The following SRSF12 variants were observed in gnomAD, a reference collection of about 807,000 sequenced individuals.
The protein encoded by SRSF12 is serine/arginine-rich splicing factor 12.
SRSF12 carries 21 observed loss-of-function variants against 34.1 expected under a neutral mutation model. That is an observed-to-expected ratio of 0.62 (90% CI 0.44 to 0.89). The LOEUF is 0.89. SRSF12 is among the 40% of genes least tolerant of loss of function. The probability of loss-of-function intolerance (pLI) is 0.00; values close to 1 mark genes in which losing one functional copy is unlikely to be tolerated. For missense variants in SRSF12, 278 were observed against 327.8 expected (o/e 0.85, Z 1.17); for synonymous variants, 111 against 110.8 (o/e 1.00, Z -0.01).
rs147734410 is a variant in SRSF12 at position 89,098,636 on chromosome 6, T to C, written c.728A>G (p.His243Arg). 2,834 of 1,613,922 alleles carry C rather than the reference T, an allele frequency of 1.8e-3. 5 individuals carry two copies. The highest frequency in any genetic ancestry group is 2.1e-3 in the Non-Finnish European group (2,426 of 1,179,812). Residue 243 changes from histidine (H) to arginine (R), a missense_variant, in exon 5 of 5, where the codon CAT becomes CGT. Physicochemically the swap from His to Arg is conservative, Grantham distance 29. Transcript: ENST00000452027. The stretch of plus-strand genomic sequence containing the variant: ...TCTGGAATGTGACCGAAAATGAGAA[T>C]GCTTTGCTGTTTGTACTTTAGTTTC... The part of the protein sequence containing the change: ...NSETKVQTAK[H>R]SHFRSHSRSR...
rs1215947312 is a variant in SRSF12 at position 89,113,056 on chromosome 6, CA to C, written c.65+4766del. ...GTGTAGTAGGTTTGGGTTTGTACAA[CA>C]ACAAAATCACCAAATGGATTTGTCA... On this transcript the variant is annotated intron_variant, in intron 1 of 4. Coordinates refer to ENST00000452027, the MANE Select transcript of SRSF12 (RefSeq NM_080743.5). Among the ~76,000 whole-genome samples, 9 of 152,308 alleles carry C rather than the reference CA, an allele frequency of 5.9e-5. No homozygotes were observed. The East Asian group carries it at 1.7e-3, about 29-fold the overall frequency.
chr6:89,107,360 T>C (rs1182304472), intron 1 of SRSF12, 102 bp from the exon 2 acceptor site: 7 of 783,478 alleles, frequency 8.9e-6, no homozygotes, highest in Non-Finnish European at 1.5e-5. Flanking sequence ...GAACATCATC[T>C]AGACCAGCAT....
intron 1 of SRSF12, 66 bp downstream of exon 1, chr6:89,117,736 CCTCCGCCGGGCCTCGGCCGTG>C: frequency 1.5e-6 from 2 of 1,332,504 alleles, no homozygotes; most frequent in Admixed American, 3.7e-5. Context: ...CTCCCCCGAG[CCTCCGCCGGGCCTCGGCCGTG>C]CTCCGCGGCG....
At chr6:89,107,559 G>A (rs149541850) in intron 1 of SRSF12, among the ~76,000 whole-genome samples, 10 of 151,998 alleles carry the variant, frequency 6.6e-5, no homozygotes, top group Admixed American at 3.9e-4. Flanking sequence ...GTGAAACCCC[G>A]TCTCTACAAA....
chr6:89,115,315 T>A (rs988543857), intron 1 of SRSF12, among the ~76,000 whole-genome samples: 1 of 150,220 alleles, frequency 6.7e-6, no homozygotes, highest in African/African-American at 2.4e-5. Context: ...AGAGTCTCAC[T>A]CTGTCGCCCA....
Position 89,097,265 on chromosome 6 carries a change from A to G in SRSF12, c.*1313T>C, listed in dbSNP as rs1003706378. The G allele has an allele frequency of 3.9e-5, 6 of 152,200 alleles. No homozygotes were observed. Among genetic ancestry groups the G allele is most frequent in the Non-Finnish European group, 8.8e-5 (6 of 68,036 alleles). 9.4% of individuals were successfully genotyped at this position (152,200 alleles called of 1,614,324 possible). A position where few individuals can be genotyped will look rare whatever the true frequency, so the allele number is the denominator to read the frequency against. ...GAAGTTTTCATAATGTAAGTCACAA[A>G]GTATACAAGTAGAGCTCTATAAATA... On this transcript the variant is annotated 3_prime_UTR_variant, in exon 5 of 5. Coordinates refer to ENST00000452027, the MANE Select transcript of SRSF12 (RefSeq NM_080743.5).
chr6:89,115,522 T>C (rs1582279849), intron 1 of SRSF12, among the ~76,000 whole-genome samples: 1 of 152,062 alleles, frequency 6.6e-6, no homozygotes, highest in South Asian at 2.1e-4. Flanking sequence ...CCTCAAGTGA[T>C]CCGCCGAACT....
At chr6:89,099,091 ATGCT>A in intron 4 of SRSF12, 144 bp from the exon 5 acceptor site, 1 of 1,085,104 alleles carries the variant, frequency 9.2e-7, no homozygotes, top group Non-Finnish European at 1.3e-6. Flanking sequence ...TTTATTATGC[ATGCT>A]TTTGGTTCAA....
intron 1 of SRSF12, among the ~76,000 whole-genome samples, chr6:89,107,564 T>C (rs1195863015): frequency 2.6e-5 from 4 of 151,824 alleles, no homozygotes; most frequent in Non-Finnish European, 5.9e-5. Context: ...ACCCCGTCTC[T>C]ACAAAAAAAT....
chr6:89,111,368 A>G (rs1769043298), intron 1 of SRSF12, among the ~76,000 whole-genome samples: 1 of 152,174 alleles, frequency 6.6e-6, no homozygotes, highest in African/African-American at 2.4e-5. Context: ...GGTTCTGCAC[A>G]TTTTTTGTTA....
intron 1 of SRSF12, among the ~76,000 whole-genome samples, chr6:89,117,306 T>C (rs1769350863): frequency 6.6e-6 from 1 of 152,196 alleles, no homozygotes; most frequent in African/African-American, 2.4e-5. Flanking sequence ...AGCAGCACCG[T>C]CTGTAAGTAG....
At position 89,098,382 on chromosome 6, in the gene SRSF12, C is replaced by A; in HGVS notation, c.*196G>T. 5.4e-6 allele frequency: 3 copies of A among 559,238 alleles called. No individual in the cohort carries two copies. The highest frequency in any genetic ancestry group is 3.5e-5 in the East Asian group (1 of 28,538). 34.6% of individuals were successfully genotyped at this position (559,238 alleles called of 1,614,324 possible). A position where few individuals can be genotyped will look rare whatever the true frequency, so the allele number is the denominator to read the frequency against. ...CATAAAATGGTGACATTAGACAAATCATAATTTGTAGTGTGGGCCCTTTAA... is the reference window on the plus strand; with the variant it reads ...CATAAAATGGTGACATTAGACAAATAATAATTTGTAGTGTGGGCCCTTTAA... On this transcript the variant is annotated 3_prime_UTR_variant, in exon 5 of 5. Transcript: ENST00000452027.
chr6:89,098,873 G>A lies in SRSF12; in HGVS notation c.491C>T (p.Ala164Val). Reference sequence around the variant, plus strand: ...CCTTCTTGGAGTTCTTGACTGCCTTGCTGAGGTAGACCGCCTTGGTAATGA... The same window carrying A: ...CCTTCTTGGAGTTCTTGACTGCCTTACTGAGGTAGACCGCCTTGGTAATGA... ...SKSLPRRSTS[A>V]RQSRTPRRNF... Residue 164 changes from alanine (A) to valine (V), a missense_variant, in exon 5 of 5, where the codon GCA (alanine) becomes GTA (valine). Transcript: ENST00000452027. 1.2e-6 allele frequency: 2 copies of A among 1,613,860 alleles called. No individual in the cohort carries two copies. The highest frequency in any genetic ancestry group is 1.7e-6 in the Non-Finnish European group (2 of 1,179,872).
intron 1 of SRSF12, among the ~76,000 whole-genome samples, chr6:89,108,700 G>A (rs1055332267): frequency 2.0e-5 from 3 of 152,180 alleles, no homozygotes; most frequent in African/African-American, 7.2e-5. Context: ...GGCAAAAGAA[G>A]CAACTTTCAG....
intron 4 of SRSF12, among the ~76,000 whole-genome samples, chr6:89,100,046 T>G (rs1378824699): frequency 6.6e-6 from 1 of 152,128 alleles, no homozygotes; most frequent in Non-Finnish European, 1.5e-5. Flanking sequence ...AATTCAGGGC[T>G]ACCAAAATGG....
rs376911034 is a variant in SRSF12, at chr6:89,114,433, AAAAC to A, written c.65+3386_65+3389del. 3.3e-4 allele frequency among the ~76,000 whole-genome samples: 50 copies of A among 152,302 alleles called. No homozygotes were observed. In the East Asian group the frequency reaches 4.1e-3, roughly 12 times the overall value. ...ACACAGCAAGACTCTGTCTCAAAAT[AAAAC>A]AAACAAACAAAAAAACCACCATACA... On this transcript the variant is annotated intron_variant, in intron 1 of 4. Coordinates refer to ENST00000452027, the MANE Select transcript of SRSF12 (RefSeq NM_080743.5).
intron 1 of SRSF12, among the ~76,000 whole-genome samples, chr6:89,116,853 C>G (rs1182953524): frequency 6.6e-6 from 1 of 152,040 alleles, no homozygotes; most frequent in Non-Finnish European, 1.5e-5. Flanking sequence ...ATACTCATCT[C>G]AGATGACTAT....
Position 89,117,836 on chromosome 6 carries a change from C to T in SRSF12, c.52G>A (p.Ala18Thr), listed in dbSNP as rs372794091. Residue 18 changes from alanine (A) to threonine (T), a missense_variant, in exon 1 of 5, where the codon GCG becomes ACG. Physicochemically the swap from Ala to Thr is moderately conservative, Grantham distance 58. Coordinates refer to ENST00000452027, the MANE Select transcript of SRSF12 (RefSeq NM_080743.5). ...GCGGCCGTTCACCTGGTGGCGTCCG[C>T]GACGTTCCTGATGAACAGGGAGGTG... ...PNTSLFIRNV[A>T]DATRPEDLRR... is the part of the protein sequence containing the mutation. The T allele has an allele frequency of 1.9e-6, 3 of 1,559,056 alleles. No homozygotes were observed. Among genetic ancestry groups the T allele is most frequent in the Non-Finnish European group, 2.6e-6 (3 of 1,155,144 alleles).
intron 4 of SRSF12, among the ~76,000 whole-genome samples, chr6:89,100,091 T>C (rs1768469317): frequency 6.6e-6 from 1 of 151,874 alleles, no homozygotes; most frequent in Admixed American, 6.6e-5. Context: ...TAGAGAAGAG[T>C]GAATTAGAGA....
Sources: gnomAD v4.1 joint callset for allele counts (sites outside exome capture counted in the v4.1 genomes callset) on GRCh38, gnomAD v4.1.1 for gene constraint, MANE v1.5 for transcripts, NCBI Gene and HGNC (gene_info 2026-07-23, HGNC 2026-07-21) for gene names.